Variants in ZNF367 observed in about 807,000 individuals in gnomAD.
ZNF367 encodes zinc finger protein 367.
ZNF367 carries 11 observed loss-of-function variants against 31.8 expected under a neutral mutation model. That is an observed-to-expected ratio of 0.35 (90% CI 0.22 to 0.57). The LOEUF is 0.57. Among genes scored for constraint, ZNF367 ranks in the 20% least tolerant of loss-of-function variants. ZNF367 has a pLI of 0.85. For missense variants in ZNF367, 353 were observed against 484.1 expected (o/e 0.73, Z 2.54); for synonymous variants, 199 against 202.4 (o/e 0.98, Z 0.14).
At chr9:96,388,558 G>A in intron 4 of ZNF367, 99 bp from the exon 5 acceptor site, 1 of 1,082,322 alleles carries the variant, frequency 9.2e-7, no homozygotes. Flanking sequence ...TTACTTTTAT[G>A]TGGTTCAGTT....
At chr9:96,388,909 T>C (rs1191022888) in intron 4 of ZNF367, among the ~76,000 whole-genome samples, 2 of 152,228 alleles carry the variant, frequency 1.3e-5, no homozygotes, top group Non-Finnish European at 2.9e-5. Flanking sequence ...ACAGAGTTTA[T>C]TCAAAAACTT....
chr9:96,390,255 C>T (rs1056937262), intron 4 of ZNF367, among the ~76,000 whole-genome samples: 1 of 151,820 alleles, frequency 6.6e-6, no homozygotes. Context: ...AATACAACTA[C>T]CAAATTTCAG....
intron 1 of ZNF367, chr9:96,407,886 A>G (rs1831691353): frequency 2.1e-6 from 1 of 477,712 alleles, no homozygotes; most frequent in Admixed American, 3.6e-5. Flanking sequence ...AATTACAGGC[A>G]TGAGCCACCG....
rs1352102193 is a variant in ZNF367, at chr9:96,388,079, C to G, written c.*158G>C. On this transcript the variant is annotated 3_prime_UTR_variant, in exon 5 of 5. Coordinates refer to ENST00000375256, the MANE Select transcript of ZNF367 (RefSeq NM_153695.4). ...ATTTCCATATTAAAAAAGTGCAGTT[C>G]TCTCTCACCCCATATTCTGGGGCAA... 1 of 674,632 alleles carries G rather than the reference C, an allele frequency of 1.5e-6. No individual in the cohort carries two copies. The highest frequency in any genetic ancestry group is 1.8e-5 in the African/African-American group (1 of 55,444). The allele number at this position is 674,632 out of a possible 1,614,324, so 41.8% of individuals were successfully genotyped here.
At chr9:96,408,271 G>T (rs1362257336) in intron 1 of ZNF367, among the ~76,000 whole-genome samples, 1 of 152,092 alleles carries the variant, frequency 6.6e-6, no homozygotes, top group Non-Finnish European at 1.5e-5. Context: ...ATATACAAAA[G>T]AAATGAAAAC....
rs543366746 is a variant in ZNF367 at position 96,396,159 on chromosome 9, G to T, written c.572-1217C>A. Among the ~76,000 whole-genome samples the T allele has an allele frequency of 2.6e-5, 4 of 152,246 alleles. No homozygotes were observed. The East Asian group carries it at 7.7e-4, about 29-fold the overall frequency. On this transcript the variant is annotated intron_variant, in intron 2 of 4. Transcript: ENST00000375256. Reference sequence around the variant, plus strand: ...ACAGACATCTAGGCTGATGCCTGGGGTATCAGGTGACACAGTGAGGTAGTG... The same window carrying T: ...ACAGACATCTAGGCTGATGCCTGGGTTATCAGGTGACACAGTGAGGTAGTG...
intron 1 of ZNF367, among the ~76,000 whole-genome samples, chr9:96,416,498 T>C (rs556102462): frequency 6.6e-6 from 1 of 152,354 alleles, no homozygotes; most frequent in South Asian, 2.1e-4. Context: ...ACATAAAATA[T>C]ATCAATTTCC....
intron 1 of ZNF367, among the ~76,000 whole-genome samples, chr9:96,411,739 T>C (rs1449478528): frequency 6.6e-6 from 1 of 152,068 alleles, no homozygotes; most frequent in African/African-American, 2.4e-5. Flanking sequence ...AAATGAGAAA[T>C]GGAGTGAGTG....
chr9:96,414,916 T>C (rs1319855451), intron 1 of ZNF367, among the ~76,000 whole-genome samples: 1 of 152,222 alleles, frequency 6.6e-6, no homozygotes, highest in Non-Finnish European at 1.5e-5. Flanking sequence ...AATAAAACCA[T>C]AAAGGCAAAA....
intron 1 of ZNF367, chr9:96,407,256 T>G: frequency 1.5e-5 from 20 of 1,290,518 alleles, no homozygotes; most frequent in Non-Finnish European, 2.2e-5. Flanking sequence ...CCCCAGGGGC[T>G]GCTCCTGGCG....
chr9:96,417,669 C>A lies in ZNF367; in HGVS notation c.364G>T (p.Ala122Ser). The A allele has an allele frequency of 1.9e-6, 2 of 1,039,318 alleles. No homozygotes were observed. Among genetic ancestry groups the A allele is most frequent in the Non-Finnish European group, 2.4e-6 (2 of 820,752 alleles). The allele number at this position is 1,039,318 out of a possible 1,614,324, so 64.4% of individuals were successfully genotyped here. A position where few individuals can be genotyped will look rare whatever the true frequency, so the allele number is the denominator to read the frequency against. ...TCCTCCTCGTCCTCACCTCCCGAGG[C>A]GGCGGCGGAGGCCGAGGCGGCGGGC... ...PPPAASASAAASGGEDEEEAS... is the reference protein window; with the variant it reads ...PPPAASASAASSGGEDEEEAS... Residue 122 changes from alanine to serine, a missense_variant, in exon 1 of 5, where the codon GCC becomes TCC. Ala to Ser is a moderately conservative substitution (Grantham distance 99). Around this residue, in one of 5 missense-constraint regions of ZNF367, gnomAD observed 70 missense variants for 57.1 expected, o/e 1.23. Transcript: ENST00000375256. This position sits in a 1 kb window ranked among gnomAD's most constrained non-coding sequence, Gnocchi z 5.0.
chr9:96,398,062 C>G, intron 2 of ZNF367, 102 bp downstream of exon 2: 1 of 1,224,894 alleles, frequency 8.2e-7, no homozygotes, highest in Non-Finnish European at 1.1e-6. Context: ...TGCACTCCAG[C>G]CTGGGCAACA....
chr9:96,412,214 T>C (rs1831759946), intron 1 of ZNF367, among the ~76,000 whole-genome samples: 1 of 152,230 alleles, frequency 6.6e-6, no homozygotes, highest in South Asian at 2.1e-4. Context: ...CAAGTGCACC[T>C]GGAGGCTAAG....
chr9:96,412,410 A>G (rs1243082275), intron 1 of ZNF367, among the ~76,000 whole-genome samples: 1 of 152,240 alleles, frequency 6.6e-6, no homozygotes, highest in Non-Finnish European at 1.5e-5. Flanking sequence ...ACACATTTTT[A>G]TAAGTAGAAT....
intron 4 of ZNF367, chr9:96,392,173 G>T: frequency 1.7e-6 from 1 of 600,654 alleles, no homozygotes; most frequent in Non-Finnish European, 2.8e-6. Context: ...AAAATAAACT[G>T]TAGTCTGGGC....
chr9:96,393,690 G>A (rs1240913794), intron 3 of ZNF367, among the ~76,000 whole-genome samples: 1 of 151,250 alleles, frequency 6.6e-6, no homozygotes, highest in Non-Finnish European at 1.5e-5. Flanking sequence ...AATTAACTGG[G>A]TATGGTCGCG....
chr9:96,406,034 A>G (rs1831667538), intron 1 of ZNF367, among the ~76,000 whole-genome samples: 1 of 152,182 alleles, frequency 6.6e-6, no homozygotes, highest in Admixed American at 6.5e-5. Context: ...CAAATGTACC[A>G]CATTAGTGTA....
intron 1 of ZNF367, among the ~76,000 whole-genome samples, chr9:96,399,973 G>A (rs1831581522): frequency 6.6e-6 from 1 of 152,128 alleles, no homozygotes; most frequent in Non-Finnish European, 1.5e-5. Flanking sequence ...AACTCAGAAG[G>A]AAGGGTCTGA....
chr9:96,405,314 C>CAAAAAAAAAAAAAAAAAAAAAAAAAA, intron 1 of ZNF367, among the ~76,000 whole-genome samples: 1 of 55,144 alleles, frequency 1.8e-5, no homozygotes, highest in Non-Finnish European at 3.7e-5. Context: ...AACTCTGTCT[C>CAAAAAAAAAAAAAAAAAAAAAAAAAA]AAAAAAAAAA....
Sources: allele counts gnomAD v4.1 joint callset (sites outside exome capture counted in the v4.1 genomes callset), GRCh38; gene constraint gnomAD v4.1.1; regional missense constraint gnomAD v4.1.1; non-coding constraint Gnocchi (gnomAD v3.1); transcripts MANE v1.5; gene names NCBI Gene and HGNC (gene_info 2026-07-23, HGNC 2026-07-21).